The following TRIM35 variants were observed in gnomAD, a reference collection of about 807,000 sequenced individuals.
TRIM35 encodes E3 ubiquitin-protein ligase TRIM35.
TRIM35 carries 37 observed loss-of-function variants against 49.1 expected under a neutral mutation model. That is an observed-to-expected ratio of 0.75 (90% CI 0.58 to 0.99). The LOEUF is 0.99. TRIM35 is among the 50% of genes least tolerant of loss of function. TRIM35 has a pLI of 0.00. For missense variants in TRIM35, 648 were observed against 702.7 expected (o/e 0.92, Z 0.88); for synonymous variants, 302 against 289.3 (o/e 1.04, Z -0.45).
chr8:27,291,189 T>C (rs188655536), intron 3 of TRIM35, among the ~76,000 whole-genome samples: 2 of 149,254 alleles, frequency 1.3e-5, no homozygotes, highest in East Asian at 3.9e-4. Flanking sequence ...CTAGACTATA[T>C]AAAGAACTCT....
chr8:27,294,728 C>A (rs1166808950), intron 2 of TRIM35, among the ~76,000 whole-genome samples: 1 of 152,118 alleles, frequency 6.6e-6, no homozygotes, highest in African/African-American at 2.4e-5. Flanking sequence ...TTTGTCTGAT[C>A]CAGAGGCTTT....
At chr8:27,302,080 G>C (rs1229096942) in intron 1 of TRIM35, among the ~76,000 whole-genome samples, 1 of 152,178 alleles carries the variant, frequency 6.6e-6, no homozygotes. Context: ...GTAAAAAAGA[G>C]AGGATTTCTG....
chr8:27,291,427 C>T (rs1196283831), intron 3 of TRIM35, among the ~76,000 whole-genome samples: 1 of 152,136 alleles, frequency 6.6e-6, no homozygotes, highest in Non-Finnish European at 1.5e-5. Context: ...TATGGAGAAA[C>T]TGGAATCCAC....
chr8:27,286,254 C>A lies in TRIM35; in HGVS notation c.*1296G>T. On this transcript the variant is annotated 3_prime_UTR_variant, in exon 6 of 6. Coordinates refer to ENST00000305364, the MANE Select transcript of TRIM35 (RefSeq NM_171982.5). The stretch of plus-strand genomic sequence containing the variant: ...ACAAGCCCAGGGAAAAGTCTGCAGG[C>A]ATGGTGGAGGAAGAAATTAGGGATG... 2.3e-6 allele frequency: 1 copy of A among 442,788 alleles called. No individual in the cohort carries two copies. The highest frequency in any genetic ancestry group is 4.6e-6 in the Non-Finnish European group (1 of 219,688). The allele number at this position is 442,788 out of a possible 1,614,324, so 27.4% of individuals were successfully genotyped here.
chr8:27,290,068 T>C lies in TRIM35; in HGVS notation c.785+88A>G, dbSNP rs1172030079. The C allele has an allele frequency of 2.7e-6, 4 of 1,497,872 alleles. No individual in the cohort carries two copies. The Admixed American group carries it at 5.4e-5, about 20-fold the overall frequency. The allele number at this position is 1,497,872 out of a possible 1,614,324, so 92.8% of individuals were successfully genotyped here. ...TGTGCTGGTGCACCCAGCTGGTTGT[T>C]ACCTGCTTGCCCCGGGGCCACTGGA... On this transcript the variant is annotated intron_variant, in intron 4 of 5. Coordinates refer to ENST00000305364, the MANE Select transcript of TRIM35 (RefSeq NM_171982.5).
At chr8:27,310,769 C>A in intron 1 of TRIM35, 32 bp downstream of exon 1, 1 of 1,541,546 alleles carries the variant, frequency 6.5e-7, no homozygotes, top group South Asian at 1.2e-5. Context: ...CCAGACCCGG[C>A]TCGGCCGCCT....
At chr8:27,304,218 A>G (rs1406011767) in intron 1 of TRIM35, among the ~76,000 whole-genome samples, 1 of 152,262 alleles carries the variant, frequency 6.6e-6, no homozygotes, top group Non-Finnish European at 1.5e-5. Flanking sequence ...GGAAGCAGGA[A>G]GGTAGGGGCA....
intron 1 of TRIM35, among the ~76,000 whole-genome samples, chr8:27,305,318 T>A (rs530351703): frequency 1.3e-5 from 2 of 152,356 alleles, no homozygotes; most frequent in South Asian, 4.1e-4. Context: ...CCCCTTTGTG[T>A]TCAGACCTCC....
At position 27,290,164 on chromosome 8, in the gene TRIM35, T is replaced by A; in HGVS notation, c.777A>T (p.Arg259=). The part of the protein sequence containing the change: ...DVSFLMKHKS[R]KRRLFCTMEP... ...CAGCTTTGGCAACTTACCGGCGTTTTCGGCTCTTGTGTTTCTGAAAAAATA... is the reference window on the plus strand; with the variant it reads ...CAGCTTTGGCAACTTACCGGCGTTTACGGCTCTTGTGTTTCTGAAAAAATA... Residue 259 remains arginine (R), a synonymous_variant, in exon 4 of 6, where the codon CGA becomes CGT. Coordinates refer to ENST00000305364, the MANE Select transcript of TRIM35 (RefSeq NM_171982.5). The A allele has an allele frequency of 6.2e-7, 1 of 1,614,174 alleles. No homozygotes were observed. The highest frequency in any genetic ancestry group is 8.5e-7 in the Non-Finnish European group (1 of 1,180,018).
At position 27,287,457 on chromosome 8, in the gene TRIM35, G is replaced by A. The variant is rs1349793936; in HGVS notation, c.*93C>T. The A allele has an allele frequency of 4.6e-6, 6 of 1,308,970 alleles. No individual in the cohort carries two copies. Among genetic ancestry groups the A allele is most frequent in the Non-Finnish European group, 6.2e-6 (6 of 967,742 alleles). The allele number at this position is 1,308,970 out of a possible 1,614,324, so 81.1% of individuals were successfully genotyped here. ...GGAGGAAGAGCCTGGCAAGGAGGCA[G>A]GGGCGCAATAGTGCCCAAGCAGTGT... On this transcript the variant is annotated 3_prime_UTR_variant, in exon 6 of 6. Coordinates refer to ENST00000305364, the MANE Select transcript of TRIM35 (RefSeq NM_171982.5). The surrounding 1 kb of genome is among the most constrained non-coding windows in gnomAD (Gnocchi z 6.0).
chr8:27,288,587 G>A (rs1423110762), intron 5 of TRIM35, among the ~76,000 whole-genome samples: 3 of 152,146 alleles, frequency 2.0e-5, no homozygotes, highest in Non-Finnish European at 4.4e-5. Context: ...TTCAGAGGGG[G>A]CCTGGTCCTT....
At chr8:27,288,379 T>C (rs1802383534) in intron 5 of TRIM35, among the ~76,000 whole-genome samples, 1 of 152,048 alleles carries the variant, frequency 6.6e-6, no homozygotes, top group Non-Finnish European at 1.5e-5. Context: ...TTAGTTAAGA[T>C]GAAGACTGGA....
chr8:27,300,988 T>C (rs1281904599), intron 1 of TRIM35, among the ~76,000 whole-genome samples: 5 of 152,188 alleles, frequency 3.3e-5, no homozygotes, highest in Non-Finnish European at 5.9e-5. Context: ...CCCTTAGGAA[T>C]TTATGGGACA....
At chr8:27,301,176 C>G (rs56280924) in intron 1 of TRIM35, among the ~76,000 whole-genome samples, 14,336 of 152,240 alleles carry the variant, frequency 0.094, 778 homozygotes, top group Middle Eastern at 0.13. Context: ...TAAGCATGTA[C>G]TAGACACAAG....
intron 1 of TRIM35, among the ~76,000 whole-genome samples, chr8:27,306,324 T>G (rs1240629460): frequency 2.4e-5 from 3 of 126,008 alleles, no homozygotes; most frequent in South Asian, 5.2e-4. Context: ...TTTCTTTTTT[T>G]CTTTCTTTTT....
chr8:27,292,826 A>G (rs1802482221), intron 3 of TRIM35, among the ~76,000 whole-genome samples: 1 of 152,168 alleles, frequency 6.6e-6, no homozygotes. Context: ...AAATGGGTGA[A>G]TTGTTTAGCA....
At chr8:27,291,163 G>A (rs1173975956) in intron 3 of TRIM35, among the ~76,000 whole-genome samples, 2 of 143,906 alleles carry the variant, frequency 1.4e-5, no homozygotes, top group African/African-American at 2.6e-5. Flanking sequence ...AGCTAAAACC[G>A]ATAAAAAACT....
Position 27,298,478 on chromosome 8 carries a change from C to A in TRIM35, c.517G>T (p.Ala173Ser). The change falls in exon 2 of 6, where the codon GCC becomes TCC. Residue 173 changes from alanine to serine, a missense_variant. Physicochemically the swap from Ala to Ser is moderately conservative, Grantham distance 99 (BLOSUM62 1). Coordinates refer to ENST00000305364, the MANE Select transcript of TRIM35 (RefSeq NM_171982.5). ...WAMRRSYEAIAKHNQVEAAWL... is the reference protein window; with the variant it reads ...WAMRRSYEAISKHNQVEAAWL... ...CGTTCGCTCACCTGATTGTGCTTGG[C>A]GATGGCCTCATAGGAGCGCCGCATG... The A allele has an allele frequency of 6.2e-7, 1 of 1,614,182 alleles. No individual in the cohort carries two copies. The highest frequency in any genetic ancestry group is 8.5e-7 in the Non-Finnish European group (1 of 1,180,022).
rs568985501 is a variant in TRIM35 at position 27,301,320 on chromosome 8, A to G, written c.436-2761T>C. 3.3e-5 allele frequency among the ~76,000 whole-genome samples: 5 copies of G among 152,330 alleles called. No homozygotes were observed. In the East Asian group the frequency reaches 9.6e-4, roughly 29 times the overall value. On this transcript the variant is annotated intron_variant, in intron 1 of 5. Coordinates refer to ENST00000305364, the MANE Select transcript of TRIM35 (RefSeq NM_171982.5). Reference sequence around the variant, plus strand: ...GACCCAGAGGAGGTAACCTTCTTGTACATGTCTCCTGGGGACACATGGGAA... The same window carrying G: ...GACCCAGAGGAGGTAACCTTCTTGTGCATGTCTCCTGGGGACACATGGGAA...
Sources: gnomAD v4.1 joint callset for allele counts (sites outside exome capture counted in the v4.1 genomes callset) on GRCh38, gnomAD v4.1.1 for gene constraint, Gnocchi (gnomAD v3.1) non-coding constraint, MANE v1.5 for transcripts, NCBI Gene and HGNC (gene_info 2026-07-23, HGNC 2026-07-21) for gene names.